Variants in ITPRID1 observed in about 807,000 individuals in gnomAD.
ITPRID1 encodes protein ITPRID1.
ITPRID1 carries 96 observed loss-of-function variants against 95.4 expected under a neutral mutation model. The ratio of observed to expected loss-of-function variants is 1.01; its 90% CI spans 0.85 to 1.19. The LOEUF (loss-of-function observed/expected upper bound fraction) is 1.19, where lower values mean the gene tolerates loss of function less well. ITPRID1 is among the 50% of genes most tolerant of loss of function. The probability of loss-of-function intolerance (pLI) is 0.00; values close to 1 mark genes in which losing one functional copy is unlikely to be tolerated. For missense variants in ITPRID1, 1,339 were observed against 1,252.9 expected (o/e 1.07, Z -1.04); for synonymous variants, 510 against 453.6 (o/e 1.12, Z -1.58).
chr7:31,572,252 A>C, intron 7 of ITPRID1, 64 bp downstream of exon 7: 1 of 1,030,046 alleles, frequency 9.7e-7, no homozygotes, highest in South Asian at 1.5e-5. Flanking sequence ...GATTTCATGA[A>C]ATTATAAATA....
At chr7:31,623,459 T>A (rs1788120850) in intron 10 of ITPRID1, among the ~76,000 whole-genome samples, 1 of 151,212 alleles carries the variant, frequency 6.6e-6, no homozygotes, top group African/African-American at 2.4e-5. Context: ...TATACGCAAA[T>A]CAATAAATGT....
Position 31,655,714 on chromosome 7 carries a change from G to A in ITPRID1, c.*2885G>A, listed in dbSNP as rs544400177. On this transcript the variant is annotated 3_prime_UTR_variant, in exon 15 of 15. Transcript: ENST00000615280. ...TCAGCTCCCAGCCAAATTGACTCCT[G>A]ATGCATTGCATTTGTGCCTCCAAAT... The A allele has an allele frequency of 1.2e-5, 12 of 985,700 alleles. 1 individual carries two copies. The African/African-American group carries it at 1.6e-4, about 13-fold the overall frequency. 61.1% of individuals were successfully genotyped at this position (985,700 alleles called of 1,614,324 possible). A position where few individuals can be genotyped will look rare whatever the true frequency, so the allele number is the denominator to read the frequency against.
At chr7:31,593,816 C>A (rs1785964139) in intron 10 of ITPRID1, among the ~76,000 whole-genome samples, 1 of 152,098 alleles carries the variant, frequency 6.6e-6, no homozygotes, top group African/African-American at 2.4e-5. Flanking sequence ...CAATAATAAT[C>A]TACTTTTAAA....
intron 1 of ITPRID1, among the ~76,000 whole-genome samples, chr7:31,547,925 A>G (rs946645559): frequency 6.6e-6 from 1 of 152,144 alleles, no homozygotes; most frequent in African/African-American, 2.4e-5. Flanking sequence ...TTTGGAAATG[A>G]GAATTTGGGA....
chr7:31,639,736 CTG>C (rs1789849687), intron 10 of ITPRID1, among the ~76,000 whole-genome samples: 1 of 151,922 alleles, frequency 6.6e-6, no homozygotes, highest in South Asian at 2.1e-4. Flanking sequence ...CGGGGTTTCA[CTG>C]TGTTAGCCAG....
chr7:31,583,888 C>T (rs1394728172), intron 10 of ITPRID1, among the ~76,000 whole-genome samples: 1 of 152,106 alleles, frequency 6.6e-6, no homozygotes, highest in African/African-American at 2.4e-5. Context: ...CTCAGTTTTT[C>T]CATCTGAAAT....
At chr7:31,594,892 T>C (rs1302797322) in intron 10 of ITPRID1, among the ~76,000 whole-genome samples, 1 of 151,914 alleles carries the variant, frequency 6.6e-6, no homozygotes, top group Non-Finnish European at 1.5e-5. Flanking sequence ...GCTTTTAATA[T>C]TCCTTTCAGT....
chr7:31,556,034 A>G (rs1172850596), intron 5 of ITPRID1, among the ~76,000 whole-genome samples: 1 of 152,190 alleles, frequency 6.6e-6, no homozygotes, highest in Non-Finnish European at 1.5e-5. Context: ...CCAGCATTTC[A>G]TATCCCCCTA....
intron 5 of ITPRID1, among the ~76,000 whole-genome samples, chr7:31,559,785 C>T (rs748382280): frequency 4.6e-5 from 7 of 152,178 alleles, no homozygotes; most frequent in Non-Finnish European, 1.0e-4. Context: ...TCAGCTTCTT[C>T]CTGCAGCCCA....
chr7:31,644,198 C>T (rs1332124899), intron 12 of ITPRID1, among the ~76,000 whole-genome samples: 1 of 152,140 alleles, frequency 6.6e-6, no homozygotes, highest in East Asian at 1.9e-4. Context: ...CATCATTTTA[C>T]AGAAAGGAAA....
At position 31,599,690 on chromosome 7, in the gene ITPRID1, CTCTTTCTT is replaced by C. The variant is rs1554290644; in HGVS notation, c.1228+16515_1228+16522del. 2.9e-3 allele frequency among the ~76,000 whole-genome samples: 304 copies of C among 106,664 alleles called. 6 individuals are homozygous for C. The highest frequency in any genetic ancestry group is 0.011 in the African/African-American group (261 of 22,774). The allele number at this position is 106,664 out of a possible 152,430, so 70.0% of individuals were successfully genotyped here. On this transcript the variant is annotated intron_variant, in intron 10 of 14. Transcript: ENST00000615280. ...TCTCTCTCTCTCTCTCTCTCTCTCT[CTCTTTCTT>C]TCTTTCTTTCTTTCTCTTTTTTTGA... is the stretch of plus-strand genomic sequence containing the variant.
chr7:31,602,742 A>T (rs1786448232), intron 10 of ITPRID1, among the ~76,000 whole-genome samples: 1 of 152,082 alleles, frequency 6.6e-6, no homozygotes, highest in Non-Finnish European at 1.5e-5. Context: ...TCAGCCTGGC[A>T]TCTAGACTCA....
At chr7:31,515,132 C>G (rs903712741) in intron 1 of ITPRID1, among the ~76,000 whole-genome samples, 42 of 152,020 alleles carry the variant, frequency 2.8e-4, no homozygotes, top group African/African-American at 8.9e-4. Context: ...GGCAAGAGAT[C>G]AAGAAGTGGG....
At chr7:31,518,713 A>G (rs2128126158) in intron 1 of ITPRID1, among the ~76,000 whole-genome samples, 1 of 152,342 alleles carries the variant, frequency 6.6e-6, no homozygotes, top group Non-Finnish European at 1.5e-5. Context: ...CAATTCTAAC[A>G]AGGTCTCAGG....
intron 10 of ITPRID1, among the ~76,000 whole-genome samples, chr7:31,586,895 T>G (rs1337087966): frequency 2.0e-5 from 3 of 152,050 alleles, no homozygotes; most frequent in Non-Finnish European, 4.4e-5. Context: ...TTTTGGTGTT[T>G]TAGACATGAA....
chr7:31,652,591 G>A lies in ITPRID1; in HGVS notation c.2897G>A (p.Ser966Asn), dbSNP rs778716439. ...CATCAATATAACTGGATAGAAGAAAGCAATGGGCAGACTTCATGTTCTAAA... is the reference window on the plus strand; with the variant it reads ...CATCAATATAACTGGATAGAAGAAAACAATGGGCAGACTTCATGTTCTAAA... ...NLHQYNWIEE[S>N]NGQTSCSKIH... Residue 966 changes from serine to asparagine, a missense_variant, in exon 15 of 15, where the codon AGC (serine) becomes AAC (asparagine). By Grantham distance (46) the Ser-to-Asn change is conservative. Coordinates refer to ENST00000615280, the MANE Select transcript of ITPRID1 (RefSeq NM_001257967.3). 3 of 1,612,722 alleles carry A rather than the reference G, an allele frequency of 1.9e-6. No individual in the cohort carries two copies. The highest frequency in any genetic ancestry group is 1.7e-6 in the Non-Finnish European group (2 of 1,179,384).
intron 10 of ITPRID1, among the ~76,000 whole-genome samples, chr7:31,598,630 C>G (rs554268826): frequency 1.1e-4 from 16 of 152,022 alleles, no homozygotes; most frequent in African/African-American, 3.9e-4. Context: ...GTCTCTATCT[C>G]CTGACCTCGT....
intron 12 of ITPRID1, among the ~76,000 whole-genome samples, chr7:31,647,932 T>G (rs1422663885): frequency 6.6e-6 from 1 of 152,142 alleles, no homozygotes; most frequent in Non-Finnish European, 1.5e-5. Flanking sequence ...AATTAAATTT[T>G]CACATATAAG....
chr7:31,615,084 A>C (rs1787075196), intron 10 of ITPRID1, among the ~76,000 whole-genome samples: 1 of 152,234 alleles, frequency 6.6e-6, no homozygotes. Flanking sequence ...CGACTTCTAG[A>C]AAGTGTATAG....
Sources: allele counts gnomAD v4.1 joint callset (sites outside exome capture counted in the v4.1 genomes callset), GRCh38; gene constraint gnomAD v4.1.1; transcripts MANE v1.5; gene names NCBI Gene and HGNC (gene_info 2026-07-23, HGNC 2026-07-21).